Variants in PAPPA observed in about 807,000 individuals in gnomAD.
PAPPA encodes pappalysin 1.
Under a neutral mutation model 164.0 loss-of-function variants are expected in PAPPA, and 60 were observed. The ratio of observed to expected loss-of-function variants is 0.37; its 90% CI spans 0.30 to 0.45. The LOEUF (loss-of-function observed/expected upper bound fraction) is 0.45, where lower values mean the gene tolerates loss of function less well. PAPPA is among the 20% of genes least tolerant of loss of function. The pLI, the probability that PAPPA is intolerant of heterozygous loss-of-function variation, is 1.00. For missense variants in PAPPA, 1,782 were observed against 2,087.3 expected (o/e 0.85, Z 2.85); for synonymous variants, 875 against 814.1 (o/e 1.07, Z -1.27).
At chr9:116,156,341 T>TATATA (rs1843604347) in intron 1 of PAPPA, among the ~76,000 whole-genome samples, 1 of 131,898 alleles carries the variant, frequency 7.6e-6, no homozygotes, top group Non-Finnish European at 1.7e-5. Flanking sequence ...TGTGTATATA[T>TATATA]ATATATGTAT....
At chr9:116,291,415 A>C (rs1845434254) in intron 9 of PAPPA, among the ~76,000 whole-genome samples, 1 of 152,094 alleles carries the variant, frequency 6.6e-6, no homozygotes. Flanking sequence ...TTATGCTCTG[A>C]CCTCTTTATA....
At chr9:116,216,800 G>T (rs1424097853) in intron 4 of PAPPA, among the ~76,000 whole-genome samples, 2 of 152,042 alleles carry the variant, frequency 1.3e-5, no homozygotes, top group Non-Finnish European at 2.9e-5. Flanking sequence ...GGAGTGCAGT[G>T]GTGTGATCTC....
At chr9:116,394,802 G>A (rs1846940777) in intron 21 of PAPPA, among the ~76,000 whole-genome samples, 1 of 152,156 alleles carries the variant, frequency 6.6e-6, no homozygotes, top group African/African-American at 2.4e-5. Flanking sequence ...AAGCACTTAT[G>A]AATTTAAATT....
At chr9:116,276,624 T>C (rs1845201453) in intron 9 of PAPPA, among the ~76,000 whole-genome samples, 1 of 152,162 alleles carries the variant, frequency 6.6e-6, no homozygotes, top group African/African-American at 2.4e-5. Context: ...CTGACGCTGA[T>C]ATATAGTTAA....
chr9:116,238,731 C>A (rs2118753285), intron 7 of PAPPA, among the ~76,000 whole-genome samples: 1 of 152,260 alleles, frequency 6.6e-6, no homozygotes, highest in South Asian at 2.1e-4. Flanking sequence ...CTCTTCGAAT[C>A]TTTTGTGTTT....
At position 116,196,337 on chromosome 9, in the gene PAPPA, GT is replaced by G. The variant is rs1209321662; in HGVS notation, c.1478+8127del. Among the ~76,000 whole-genome samples, 3 of 152,074 alleles carry G rather than the reference GT, an allele frequency of 2.0e-5. No homozygotes were observed. In the East Asian group the frequency reaches 5.8e-4, roughly 29 times the overall value. On this transcript the variant is annotated intron_variant, in intron 2 of 21. Coordinates refer to ENST00000328252, the MANE Select transcript of PAPPA (RefSeq NM_002581.5). ...CAAGGGCCTCAGCAGGAGGCAGTTG[GT>G]TTTTTCCCACCCTGGGTTTGGCATG... is the stretch of plus-strand genomic sequence containing the variant.
intron 21 of PAPPA, among the ~76,000 whole-genome samples, chr9:116,386,179 G>GTT (rs1846809412): frequency 6.6e-6 from 1 of 152,178 alleles, no homozygotes; most frequent in Non-Finnish European, 1.5e-5. Context: ...GTGGACAGGT[G>GTT]TTTGGGGCTT....
At chr9:116,315,470 A>T (rs1016664199) in intron 10 of PAPPA, among the ~76,000 whole-genome samples, 1 of 152,226 alleles carries the variant, frequency 6.6e-6, no homozygotes, top group Non-Finnish European at 1.5e-5. Flanking sequence ...ACTGATAAAT[A>T]AATGTTTTTT....
chr9:116,162,071 G>T lies in PAPPA; in HGVS notation c.415+7484G>T, dbSNP rs563326637. ...CCCATCCCCTCCTCTCTGTACACTT[G>T]CAAACTCAAGTGAAAATGATTATCC... On this transcript the variant is annotated intron_variant, in intron 1 of 21. Transcript: ENST00000328252. 5.3e-3 allele frequency among the ~76,000 whole-genome samples: 810 copies of T among 152,218 alleles called. 8 individuals carry two copies. The highest frequency in any genetic ancestry group is 8.2e-3 in the Non-Finnish European group (561 of 68,024).
intron 9 of PAPPA, among the ~76,000 whole-genome samples, chr9:116,290,820 G>A (rs760224834): frequency 1.5e-4 from 22 of 150,960 alleles, no homozygotes; most frequent in Non-Finnish European, 2.2e-4. Context: ...GCATATCCAT[G>A]TTTTGGATTT....
intron 9 of PAPPA, among the ~76,000 whole-genome samples, chr9:116,302,482 T>A (rs1287299170): frequency 6.6e-6 from 1 of 152,160 alleles, no homozygotes; most frequent in Non-Finnish European, 1.5e-5. Flanking sequence ...ATGCAGTATT[T>A]GTCTTTCTGT....
At chr9:116,303,041 T>G (rs998498667) in intron 10 of PAPPA, 91 bp downstream of exon 10, 37 of 1,001,086 alleles carry the variant, frequency 3.7e-5, no homozygotes, top group Non-Finnish European at 5.6e-5. Context: ...GCAGTGTCAT[T>G]GGCTATAGCC....
intron 9 of PAPPA, among the ~76,000 whole-genome samples, chr9:116,284,729 C>T (rs1246993901): frequency 3.3e-5 from 5 of 152,042 alleles, no homozygotes; most frequent in African/African-American, 1.2e-4. Context: ...GACATTTAAA[C>T]AGAAGCTTGG....
intron 1 of PAPPA, among the ~76,000 whole-genome samples, chr9:116,162,004 T>C (rs771446462): frequency 1.3e-5 from 2 of 152,128 alleles, no homozygotes; most frequent in Non-Finnish European, 2.9e-5. Context: ...AAAGATTAGC[T>C]GAAAGTCGTG....
chr9:116,227,508 T>C lies in PAPPA; in HGVS notation c.2189T>C (p.Met730Thr), dbSNP rs1564191167. 5 of 1,614,120 alleles carry C rather than the reference T, an allele frequency of 3.1e-6. No homozygotes were observed. Among genetic ancestry groups the C allele is most frequent in the Non-Finnish European group, 4.2e-6 (5 of 1,179,990 alleles). ...TATGCTTCCAACGCTTCCTCCCCAA[T>C]GCCCTGCAGCCCATCAGGACACTGG... ...VQYASNASSPMPCSPSGHWSP... is the reference protein window; with the variant it reads ...VQYASNASSPTPCSPSGHWSP... Residue 730 changes from methionine (M) to threonine (T), a missense_variant, in exon 6 of 22, where the codon ATG becomes ACG. Transcript: ENST00000328252.
intron 10 of PAPPA, among the ~76,000 whole-genome samples, chr9:116,303,924 T>C (rs17372936): frequency 0.16 from 23,953 of 152,262 alleles, 2,276 homozygotes; most frequent in Non-Finnish European, 0.22. Flanking sequence ...CACTTTTTGT[T>C]TATGTTTACA....
rs1003260950 is a variant in PAPPA, at chr9:116,224,076, C to A, written c.2112-3355C>A. 5.8e-4 allele frequency among the ~76,000 whole-genome samples: 88 copies of A among 152,320 alleles called. 1 individual carries two copies. The highest frequency in any genetic ancestry group is 2.1e-3 in the African/African-American group (86 of 41,562). On this transcript the variant is annotated intron_variant, in intron 5 of 21. Transcript: ENST00000328252. Reference sequence around the variant, plus strand: ...CTCTGGTGTTTTCCACTACATCCATCAATGCCAACCTCTCGCCCCTGGCCA... The same window carrying A: ...CTCTGGTGTTTTCCACTACATCCATAAATGCCAACCTCTCGCCCCTGGCCA...
intron 9 of PAPPA, among the ~76,000 whole-genome samples, chr9:116,299,763 G>A (rs959018321): frequency 6.6e-6 from 1 of 152,094 alleles, no homozygotes; most frequent in Non-Finnish European, 1.5e-5. Context: ...GAAGCAGATG[G>A]CTTCTTCCTC....
chr9:116,234,326 C>T (rs1844633792), intron 6 of PAPPA, among the ~76,000 whole-genome samples: 1 of 152,058 alleles, frequency 6.6e-6, no homozygotes, highest in Non-Finnish European at 1.5e-5. Flanking sequence ...TCACCCAACC[C>T]TCCCCTTCCT....
Sources: gnomAD v4.1 joint callset for allele counts (sites outside exome capture counted in the v4.1 genomes callset) on GRCh38, gnomAD v4.1.1 for gene constraint, MANE v1.5 for transcripts, NCBI Gene and HGNC (gene_info 2026-07-23, HGNC 2026-07-21) for gene names.